CIC: variants seen among roughly 807,000 people sequenced by gnomAD.
CIC encodes capicua transcriptional repressor.
In CIC, 18 loss-of-function variants were observed where a neutral mutation model predicts 115.7. That is an observed-to-expected ratio of 0.16 (90% CI 0.11 to 0.23). The LOEUF (loss-of-function observed/expected upper bound fraction) is 0.23. CIC is among the 10% of genes least tolerant of loss of function. The pLI is 1.00. For missense variants in CIC, 2,000 were observed against 2,159.3 expected (o/e 0.93, Z 1.46); for synonymous variants, 1,076 against 923.0 (o/e 1.17, Z -3.01).
chr19:42,290,464 A>G lies in CIC; in HGVS notation c.4423A>G (p.Ser1475Gly). 1 of 1,614,002 alleles carries G rather than the reference A, an allele frequency of 6.2e-7. No homozygotes were observed. The highest frequency in any genetic ancestry group is 8.5e-7 in the Non-Finnish European group (1 of 1,179,960). Reference protein sequence around the residue: ...TFKAQESGQGSTAGPLRPPPP... With the variant: ...TFKAQESGQGGTAGPLRPPPP... ...CAAGGCCCAGGAGTCTGGTCAGGGCAGCACAGCGGGCCCCCTACGGCCCCC... is the reference window on the plus strand; with the variant it reads ...CAAGGCCCAGGAGTCTGGTCAGGGCGGCACAGCGGGCCCCCTACGGCCCCC... Residue 1475 changes from serine to glycine, a missense_variant, in exon 11 of 21, where the codon AGC becomes GGC. Coordinates refer to ENST00000681038, the MANE Select transcript of CIC (RefSeq NM_001386298.1).
rs1032211455 is a variant in CIC, at chr19:42,290,837, C to T, written c.4796C>T (p.Pro1599Leu). ...SSTPVPIASK[P>L]FPTSGRAEAS... is the part of the protein sequence containing the mutation. ...ACTCCTGTGCCCATCGCCTCTAAGCCCTTCCCCACCTCTGGCCGGGCTGAG... is the reference window on the plus strand; with the variant it reads ...ACTCCTGTGCCCATCGCCTCTAAGCTCTTCCCCACCTCTGGCCGGGCTGAG... The change falls in exon 11 of 21, where the codon CCC becomes CTC. Residue 1599 changes from proline to leucine, a missense_variant. Pro to Leu is a moderately conservative substitution (Grantham distance 98). This residue lies in a region of CIC where 1,466 missense variants were observed against 1,390.4 expected (regional missense o/e 1.05). Transcript: ENST00000681038. The T allele has an allele frequency of 2.5e-6, 4 of 1,609,960 alleles. No individual in the cohort carries two copies. The highest frequency in any genetic ancestry group is 1.7e-5 in the Admixed American group (1 of 59,428).
At chr19:42,269,163 C>A (rs557538040), upstream of CIC, 1 of 152,060 alleles carries the variant, frequency 6.6e-6, no homozygotes, top group Non-Finnish European at 1.5e-5. Context: ...GCCGACCAGT[C>A]TGCGGATATC....
Position 42,288,911 on chromosome 19 carries a change from G to C in CIC, c.3682G>C (p.Ala1228Pro). 6.2e-7 allele frequency: 1 copy of C among 1,614,082 alleles called. No homozygotes were observed. Among genetic ancestry groups the C allele is most frequent in the Non-Finnish European group, 8.5e-7 (1 of 1,180,032 alleles). The change falls in exon 8 of 21, where the codon GCA (alanine) becomes CCA (proline). Residue 1228 changes from alanine (A) to proline (P), a missense_variant. Ala to Pro is a conservative substitution (Grantham distance 27). This residue lies in a region of CIC where 1,466 missense variants were observed against 1,390.4 expected (regional missense o/e 1.05). Transcript: ENST00000681038. The stretch of plus-strand genomic sequence containing the variant: ...AGTGTCCTCTGAGCTCCTGTCCGTT[G>C]CAGCCCAGACACTCCTGAGCTCAGA... The part of the protein sequence containing the change: ...PGVSSELLSV[A>P]AQTLLSSDTK...
In CIC at chr19:42,274,130, C is replaced by T. The variant is rs2036881649; in HGVS notation, c.2347C>T (p.Leu783=). The T allele has an allele frequency of 5.0e-6, 2 of 400,264 alleles. No individual in the cohort carries two copies. Among genetic ancestry groups the T allele is most frequent in the Middle Eastern group, 6.2e-4 (1 of 1,614 alleles). 24.8% of individuals were successfully genotyped at this position (400,264 alleles called of 1,614,324 possible). ...TCGCTCCCGCCAGCCCTCACCATTG[C>T]TGCTGTTGCCACCCCCTGCCGGCCT... ...FSRSRQPSPL[L]LLPPPAGLTS... is the part of the protein sequence containing the mutation. The change falls in exon 2 of 21, where the codon CTG becomes TTG. Residue 783 remains leucine, a synonymous_variant. Transcript: ENST00000681038.
At position 42,269,308 on chromosome 19, in the gene CIC, G is replaced by T. The variant is rs558268596; in HGVS notation, c.-84G>T. The T allele has an allele frequency of 2.7e-5, 4 of 150,686 alleles. No individual in the cohort carries two copies. Among genetic ancestry groups the T allele is most frequent in the East Asian group, 2.0e-4 (1 of 5,120 alleles). The allele number at this position is 150,686 out of a possible 1,614,324, so 9.3% of individuals were successfully genotyped here. Reference sequence around the variant, plus strand: ...GGAGAATCGAGAGGGAGAGCCGGAGGGGGGGCGGGGAGGGACCGGACCGGA... The same window carrying T: ...GGAGAATCGAGAGGGAGAGCCGGAGTGGGGGCGGGGAGGGACCGGACCGGA... On this transcript the variant is annotated 5_prime_UTR_variant, in exon 1 of 21. Coordinates refer to ENST00000681038, the MANE Select transcript of CIC (RefSeq NM_001386298.1).
rs1055775037 is a variant in CIC, at chr19:42,280,225, A to G, written c.2794+5648A>G. 6.6e-6 allele frequency: 1 copy of G among 151,116 alleles called. No individual in the cohort carries two copies. The highest frequency in any genetic ancestry group is 1.5e-5 in the Non-Finnish European group (1 of 67,868). 9.4% of individuals were successfully genotyped at this position (151,116 alleles called of 1,614,324 possible). ...CCGGGCAGGGAACTCCCGTCCCCCTATTTCAGCGGAAAAGCTGATTGTGAA... is the reference window on the plus strand; with the variant it reads ...CCGGGCAGGGAACTCCCGTCCCCCTGTTTCAGCGGAAAAGCTGATTGTGAA... On this transcript the variant is annotated intron_variant, in intron 2 of 20. Coordinates refer to ENST00000681038, the MANE Select transcript of CIC (RefSeq NM_001386298.1). The surrounding 1 kb of genome is among the most constrained non-coding windows in gnomAD (Gnocchi z 4.9).
intron 10 of CIC, 50 bp from the exon 11 acceptor site, chr19:42,290,183 C>T (rs1052511587): frequency 5.6e-6 from 9 of 1,612,052 alleles, no homozygotes; most frequent in South Asian, 4.4e-5. Context: ...GGGCTGCTAT[C>T]GAGGTGTCGG....
chr19:42,288,939 C>G lies in CIC; in HGVS notation c.3710C>G (p.Thr1237Ser). The G allele has an allele frequency of 3.1e-6, 5 of 1,614,162 alleles. No individual in the cohort carries two copies. The highest frequency in any genetic ancestry group is 1.1e-5 in the South Asian group (1 of 91,090). Residue 1237 changes from threonine (T) to serine (S), a missense_variant, in exon 8 of 21, where the codon ACC becomes AGC. Thr to Ser is a moderately conservative substitution (Grantham distance 58). This residue lies in a region of CIC where 1,466 missense variants were observed against 1,390.4 expected (regional missense o/e 1.05). Transcript: ENST00000681038. Reference protein sequence around the residue: ...VAAQTLLSSDTKAPGSSSCGA... With the variant: ...VAAQTLLSSDSKAPGSSSCGA... ...GCCCAGACACTCCTGAGCTCAGACA[C>G]CAAGGCTCCGGGGAGCAGCTCCTGT...
chr19:42,292,007 C>A, intron 12 of CIC, 79 bp from the exon 13 acceptor site: 1 of 1,598,196 alleles, frequency 6.3e-7, no homozygotes, highest in South Asian at 1.1e-5. Flanking sequence ...TGCTTAGAGT[C>A]CCACTTGAGG....
intron 2 of CIC, chr19:42,284,859 A>T: frequency 8.8e-7 from 1 of 1,131,176 alleles, no homozygotes; most frequent in East Asian, 2.6e-5. Flanking sequence ...ATAGTAGGGG[A>T]GAGAACAGTA....
rs1244744008 is a variant in CIC at position 42,284,603 on chromosome 19, C to A, written c.2795-2168C>A. The A allele has an allele frequency of 9.8e-6, 7 of 710,828 alleles. No homozygotes were observed. In the South Asian group the frequency reaches 1.0e-4, roughly 10 times the overall value. 44.0% of individuals were successfully genotyped at this position (710,828 alleles called of 1,614,324 possible). On this transcript the variant is annotated intron_variant, in intron 2 of 20. Coordinates refer to ENST00000681038, the MANE Select transcript of CIC (RefSeq NM_001386298.1). ...GCATGCGGCGACGGCCTCCCGCTCC[C>A]CCCGGGCCCAAGCGGCGACGGCCGA...
chr19:42,289,298 C>T lies in CIC; in HGVS notation c.3979C>T (p.Leu1327=). 2 of 1,613,976 alleles carry T rather than the reference C, an allele frequency of 1.2e-6. No homozygotes were observed. Among genetic ancestry groups the T allele is most frequent in the Non-Finnish European group, 1.7e-6 (2 of 1,180,020 alleles). Residue 1327 remains leucine, a synonymous_variant, in exon 9 of 21, where the codon CTG becomes TTG. Coordinates refer to ENST00000681038, the MANE Select transcript of CIC (RefSeq NM_001386298.1). ...CTTGGCGGCCACTGGGCGGCCCCCG[C>T]TGCTGCCCACCCGAGCTTCTCGTTC... ...GALAATGRPP[L]LPTRASRSQR...
chr19:42,293,166 C>T lies in CIC; in HGVS notation c.6407C>T (p.Pro2136Leu). The change falls in exon 16 of 21, where the codon CCC becomes CTC. Residue 2136 changes from proline (P) to leucine (L), a missense_variant. This residue lies in a region of CIC where 1,466 missense variants were observed against 1,390.4 expected (regional missense o/e 1.05). Coordinates refer to ENST00000681038, the MANE Select transcript of CIC (RefSeq NM_001386298.1). ...TAPESELEGQPTPPAPPPLPE... is the reference protein window; with the variant it reads ...TAPESELEGQLTPPAPPPLPE... ...CCAGAGTCTGAGCTTGAGGGGCAGC[C>T]CACACCACCAGCCCCTCCACCCCTG... The T allele has an allele frequency of 6.2e-7, 1 of 1,603,964 alleles. No homozygotes were observed. The highest frequency in any genetic ancestry group is 8.5e-7 in the Non-Finnish European group (1 of 1,176,224).
Position 42,291,158 on chromosome 19 carries a change from G to A in CIC, c.5117G>A (p.Gly1706Asp). Residue 1706 changes from glycine to aspartate, a missense_variant, in exon 11 of 21, where the codon GGT becomes GAT. Coordinates refer to ENST00000681038, the MANE Select transcript of CIC (RefSeq NM_001386298.1). ...GGGTTAGSGAGAGSGPNGPVP... is the reference protein window; with the variant it reads ...GGGTTAGSGADAGSGPNGPVP... ...GGGACCACTGCGGGCTCAGGAGCAG[G>A]TGCTGGGAGTGGCCCCAATGGGCCA... 4 of 1,608,214 alleles carry A rather than the reference G, an allele frequency of 2.5e-6. No individual in the cohort carries two copies. The highest frequency in any genetic ancestry group is 1.1e-5 in the South Asian group (1 of 90,800).
In CIC at chr19:42,293,261, GCCAAGGGC is replaced by G. The variant is rs760704445; in HGVS notation, c.6505_6512del (p.Lys2169Ter). 1 of 1,582,436 alleles carries G rather than the reference GCCAAGGGC, an allele frequency of 6.3e-7. No individual in the cohort carries two copies. The highest frequency in any genetic ancestry group is 8.6e-7 in the Non-Finnish European group (1 of 1,166,644). On this transcript the variant is annotated frameshift_variant, in exon 16 of 21. Transcript: ENST00000681038. LOFTEE classifies it high-confidence loss of function. Reference sequence around the variant, plus strand: ...CCCACCTGCTGAGGAGCGGACCAGCGCCAAGGGCCCTGAGACCATGGTGAGCGCCTGCA... The same window carrying G: ...CCCACCTGCTGAGGAGCGGACCAGCGCCTGAGACCATGGTGAGCGCCTGCA...
Position 42,289,254 on chromosome 19 carries a change from C to T in CIC, c.3935C>T (p.Ala1312Val), listed in dbSNP as rs757404366. 5 of 1,613,602 alleles carry T rather than the reference C, an allele frequency of 3.1e-6. No individual in the cohort carries two copies. The African/African-American group carries it at 4.0e-5, about 13-fold the overall frequency. Residue 1312 changes from alanine to valine, a missense_variant, in exon 9 of 21, where the codon GCC (alanine) becomes GTC (valine). By Grantham distance (64) the Ala-to-Val change is moderately conservative. Around this residue, in one of 8 missense-constraint regions of CIC, gnomAD observed 1,466 missense variants for 1,390.4 expected, o/e 1.05. Transcript: ENST00000681038. The part of the protein sequence containing the change: ...TQYGAPGPFA[A>V]PGEGGALAAT... ...TATGGAGCTCCAGGACCCTTTGCAG[C>T]CCCTGGTGAGGGAGGTGCCTTGGCG...
Position 42,291,418 on chromosome 19 carries a change from C to T in CIC, c.5377C>T (p.Pro1793Ser), listed in dbSNP as rs754250317. Residue 1793 changes from proline (P) to serine (S), a missense_variant, in exon 11 of 21, where the codon CCT (proline) becomes TCT (serine). Around this residue, in one of 8 missense-constraint regions of CIC, gnomAD observed 1,466 missense variants for 1,390.4 expected, o/e 1.05. Transcript: ENST00000681038. ...GKVLAATAPT[P>S]GIPILQSVPS... is the part of the protein sequence containing the mutation. ...AGTCCTGGCTGCCACTGCACCCACT[C>T]CTGGCATCCCCATCCTGCAGTCTGT... 1.2e-6 allele frequency: 2 copies of T among 1,612,992 alleles called. No individual in the cohort carries two copies. Among genetic ancestry groups the T allele is most frequent in the South Asian group, 1.1e-5 (1 of 91,084 alleles).
chr19:42,290,154 C>CTGGA lies in CIC; in HGVS notation c.4192-75_4192-72dup. 3 of 1,596,230 alleles carry CTGGA rather than the reference C, an allele frequency of 1.9e-6. No individual in the cohort carries two copies. In the South Asian group the frequency reaches 3.3e-5, roughly 18 times the overall value. On this transcript the variant is annotated intron_variant, in intron 10 of 20. Coordinates refer to ENST00000681038, the MANE Select transcript of CIC (RefSeq NM_001386298.1). ...GCCCTAGGCTGGCCTGGCTGACAGG[C>CTGGA]TGGATGGGCATGGCTAGGGGGCTGC...
At chr19:42,277,774 C>T (rs1022570690) in intron 2 of CIC, among the ~76,000 whole-genome samples, 1 of 152,166 alleles carries the variant, frequency 6.6e-6, no homozygotes, top group Non-Finnish European at 1.5e-5. Context: ...ACCTGGTTGT[C>T]ATAACTTGTC....
Sources: gnomAD v4.1 joint callset for allele counts (sites outside exome capture counted in the v4.1 genomes callset) on GRCh38, gnomAD v4.1.1 for gene constraint, gnomAD v4.1.1 regional missense constraint, Gnocchi (gnomAD v3.1) non-coding constraint, MANE v1.5 for transcripts, NCBI Gene and HGNC (gene_info 2026-07-23, HGNC 2026-07-21) for gene names.